ULK4: variants seen among roughly 807,000 people sequenced by gnomAD.
The protein encoded by ULK4 is inactive serine/threonine-protein kinase ULK4.
In ULK4, 133 loss-of-function variants were observed where a neutral mutation model predicts 160.6. That is an observed-to-expected ratio of 0.83 (90% CI 0.72 to 0.96). ULK4 has a LOEUF of 0.96. Ranked by LOEUF, ULK4 falls within the 40% of genes least tolerant of loss-of-function variation. The pLI, the probability that ULK4 is intolerant of heterozygous loss-of-function variation, is 0.00. For synonymous variants in ULK4, 534 were observed against 539.8 expected (o/e 0.99, Z 0.15); for missense variants, 1,580 against 1,499.5 (o/e 1.05, Z -0.89).
intron 35 of ULK4, among the ~76,000 whole-genome samples, chr3:41,323,165 G>A (rs1486416523): frequency 3.3e-5 from 5 of 151,628 alleles, no homozygotes; most frequent in South Asian, 2.1e-4. Context: ...GTGAACTCCC[G>A]ACCTCAGGTG....
chr3:41,841,253 G>A lies in ULK4; in HGVS notation c.1657-5282C>T, dbSNP rs555445391. On this transcript the variant is annotated intron_variant, in intron 17 of 36. Transcript: ENST00000301831. ...TGCCCAGCCGCCCTTCATCTGGGAG[G>A]TGGGGAGCGCCTCTGCCTGGCCGCC... Among the ~76,000 whole-genome samples the A allele has an allele frequency of 6.0e-5, 9 of 149,122 alleles. No homozygotes were observed. The East Asian group carries it at 1.6e-3, about 27-fold the overall frequency.
At chr3:41,867,394 TG>T (rs965296087) in intron 17 of ULK4, among the ~76,000 whole-genome samples, 3 of 152,024 alleles carry the variant, frequency 2.0e-5, no homozygotes, top group Admixed American at 6.6e-5. Context: ...TTTGTTGTTT[TG>T]GGGGGGCAAG....
At chr3:41,954,883 G>T in intron 1 of ULK4, 76 bp from the exon 2 acceptor site, 2 of 946,906 alleles carry the variant, frequency 2.1e-6, no homozygotes, top group Non-Finnish European at 3.0e-6. Context: ...AATTAGCCTA[G>T]GATATTATAT....
chr3:41,344,473 C>T (rs530940371), intron 35 of ULK4, among the ~76,000 whole-genome samples: 34 of 152,014 alleles, frequency 2.2e-4, no homozygotes, highest in African/African-American at 6.8e-4. Flanking sequence ...AAAAATTGCC[C>T]GGGTGAGGTG....
rs555153270 is a variant in ULK4 at position 41,782,154 on chromosome 3, G to C, written c.2193+7507C>G. ...TTCACTTCATCTTCATAGCGATTCT[G>C]AATTTTTTTTTTTTTTTGGGCAAGT... On this transcript the variant is annotated intron_variant, in intron 21 of 36. Transcript: ENST00000301831. Among the ~76,000 whole-genome samples the C allele has an allele frequency of 2.7e-3, 367 of 134,992 alleles. 1 individual carries two copies. The highest frequency in any genetic ancestry group is 1.0e-2 in the African/African-American group (327 of 32,740). 88.6% of individuals were successfully genotyped at this position (134,992 alleles called of 152,430 possible).
rs78714295 is a variant in ULK4 at position 41,924,353 on chromosome 3, C to T, written c.542-4535G>A. Among the ~76,000 whole-genome samples, 1,294 of 152,284 alleles carry T rather than the reference C, an allele frequency of 8.5e-3. 17 individuals are homozygous for T. The highest frequency in any genetic ancestry group is 0.03 in the African/African-American group (1,245 of 41,548). On this transcript the variant is annotated intron_variant, in intron 5 of 36. Transcript: ENST00000301831. ...GCCACAGGGATGTAAAAGTTAACCA[C>T]CTATGAAGTACACGATCCCAAAAGG...
chr3:41,896,743 C>T, intron 15 of ULK4, 79 bp downstream of exon 15: 1 of 1,445,962 alleles, frequency 6.9e-7, no homozygotes, highest in Non-Finnish European at 9.2e-7. Flanking sequence ...GTAGTTAAAT[C>T]AAATTGTTAT....
intron 30 of ULK4, among the ~76,000 whole-genome samples, chr3:41,618,922 G>A (rs1267910010): frequency 6.6e-6 from 1 of 151,862 alleles, no homozygotes; most frequent in African/African-American, 2.4e-5. Context: ...ATAAAGGGAT[G>A]GAGGAATATT....
At chr3:41,487,803 TGACAA>T (rs2084595282) in intron 32 of ULK4, among the ~76,000 whole-genome samples, 1 of 152,196 alleles carries the variant, frequency 6.6e-6, no homozygotes, top group African/African-American at 2.4e-5. Context: ...AATTGCTACA[TGACAA>T]AAGACTAAAT....
intron 35 of ULK4, among the ~76,000 whole-genome samples, chr3:41,367,158 T>C (rs2081269712): frequency 6.6e-6 from 1 of 152,194 alleles, no homozygotes; most frequent in South Asian, 2.1e-4. Context: ...GGCTACCGAC[T>C]TCCTCAAATG....
At chr3:41,631,075 A>G (rs1384733566) in intron 30 of ULK4, among the ~76,000 whole-genome samples, 1 of 152,200 alleles carries the variant, frequency 6.6e-6, no homozygotes, top group East Asian at 1.9e-4. Context: ...ATGTTTAGCT[A>G]TGGTATGATA....
intron 28 of ULK4, 44 bp from the exon 29 acceptor site, chr3:41,681,696 C>G: frequency 6.2e-7 from 1 of 1,613,726 alleles, no homozygotes; most frequent in Non-Finnish European, 8.5e-7. Flanking sequence ...TCCATGGAGA[C>G]AGAATGAAAA....
intron 34 of ULK4, among the ~76,000 whole-genome samples, chr3:41,447,595 T>C (rs986569373): frequency 1.3e-5 from 2 of 152,168 alleles, no homozygotes; most frequent in African/African-American, 4.8e-5. Context: ...GTCAGAGCCC[T>C]GGGGACTTTC....
chr3:41,614,305 A>G (rs997538895), intron 31 of ULK4, among the ~76,000 whole-genome samples: 2 of 152,202 alleles, frequency 1.3e-5, no homozygotes, highest in African/African-American at 4.8e-5. Context: ...ATGCATTCAA[A>G]TGTAGCTGAG....
At chr3:41,894,997 T>C (rs1698105561) in intron 16 of ULK4, among the ~76,000 whole-genome samples, 1 of 152,160 alleles carries the variant, frequency 6.6e-6, no homozygotes, top group Admixed American at 6.6e-5. Context: ...AAATAACATC[T>C]AGGGAAGCTA....
chr3:41,788,149 A>G lies in ULK4; in HGVS notation c.2193+1512T>C, dbSNP rs2040049700. Among the ~76,000 whole-genome samples the G allele has an allele frequency of 3.3e-5, 5 of 152,384 alleles. No individual in the cohort carries two copies. The South Asian group carries it at 1.0e-3, about 32-fold the overall frequency. Reference sequence around the variant, plus strand: ...CAAATTTCTTAGCAGAATCTAAATCAGAATAATTAAAGACAAGAAGTGGTT... The same window carrying G: ...CAAATTTCTTAGCAGAATCTAAATCGGAATAATTAAAGACAAGAAGTGGTT... On this transcript the variant is annotated intron_variant, in intron 21 of 36. Transcript: ENST00000301831.
chr3:41,836,905 C>G (rs887462731), intron 17 of ULK4, among the ~76,000 whole-genome samples: 4 of 151,994 alleles, frequency 2.6e-5, no homozygotes, highest in Non-Finnish European at 4.4e-5. Context: ...TAGGACAGAA[C>G]AGTTTCGGAA....
At chr3:41,873,534 GGTTT>G (rs1697190082) in intron 17 of ULK4, among the ~76,000 whole-genome samples, 3 of 151,838 alleles carry the variant, frequency 2.0e-5, no homozygotes, top group Admixed American at 6.6e-5. Context: ...TACATTTTTA[GGTTT>G]GTTTGTTTTG....
intron 20 of ULK4, among the ~76,000 whole-genome samples, chr3:41,796,625 AG>A (rs200730630): frequency 0.013 from 1,946 of 152,290 alleles, 37 homozygotes; most frequent in African/African-American, 0.043. Context: ...AGGGAAGACT[AG>A]AAAGAATTCT....
Sources: allele counts gnomAD v4.1 joint callset (sites outside exome capture counted in the v4.1 genomes callset), GRCh38; gene constraint gnomAD v4.1.1; transcripts MANE v1.5; gene names NCBI Gene and HGNC (gene_info 2026-07-23, HGNC 2026-07-21).